LINGO2: variants seen among roughly 807,000 people sequenced by gnomAD.
LINGO2 encodes leucine rich repeat and Ig domain containing 2.
Under a neutral mutation model 30.6 loss-of-function variants are expected in LINGO2, and 14 were observed. The observed-to-expected ratio is 0.46, with a 90% CI of 0.30 to 0.72. The LOEUF is 0.72. Among genes scored for constraint, LINGO2 ranks in the 30% least tolerant of loss-of-function variants. The probability of loss-of-function intolerance (pLI) is 0.07; values close to 1 mark genes in which losing one functional copy is unlikely to be tolerated. For missense variants in LINGO2, 729 were observed against 751.7 expected, an observed-to-expected ratio of 0.97 and a Z score of 0.35; for synonymous variants, 317 against 288.5, an observed-to-expected ratio of 1.10 and a Z score of -1.00.
the LINGO2 span, among the ~76,000 whole-genome samples, chr9:29,076,230 T>C: frequency 4.2e-3 from 640 of 152,128 alleles, 2 homozygotes; most frequent in African/African-American, 0.015. Context: ...ACTAAGTATA[T>C]CTAAGTATAT....
chr9:28,173,531 A>G (rs1477443489), intron 4 of LINGO2, among the ~76,000 whole-genome samples: 2 of 152,176 alleles, frequency 1.3e-5, no homozygotes, highest in Non-Finnish European at 2.9e-5. Context: ...TGAGCAACTC[A>G]TCTACCACCA....
the LINGO2 span, among the ~76,000 whole-genome samples, chr9:28,716,605 C>T: frequency 1.3e-5 from 2 of 152,040 alleles, no homozygotes; most frequent in Non-Finnish European, 2.9e-5. Context: ...TTCTGTACAC[C>T]TTGATTTAGT....
At chr9:28,830,107 C>A in the LINGO2 span, among the ~76,000 whole-genome samples, 3 of 152,152 alleles carry the variant, frequency 2.0e-5, no homozygotes, top group African/African-American at 7.2e-5. Flanking sequence ...CAGAGTGCTA[C>A]AAACCCACAG....
At chr9:29,008,609 G>C in the LINGO2 span, among the ~76,000 whole-genome samples, 14 of 152,080 alleles carry the variant, frequency 9.2e-5, no homozygotes, top group Admixed American at 3.9e-4. Context: ...ACTTTTTAAT[G>C]ATCATCATTC....
In LINGO2 at chr9:28,615,996, A is replaced by G. The variant is rs144546019; in HGVS notation, c.-365+54204T>C. On this transcript the variant is annotated intron_variant, in intron 1 of 5. Coordinates refer to ENST00000379992, the Ensembl canonical transcript of LINGO2. Reference sequence around the variant, plus strand: ...GTTGTCAGGAGTCAAAATAGTAATTATATTTAGGGAGGAAAGATTATTGAT... The same window carrying G: ...GTTGTCAGGAGTCAAAATAGTAATTGTATTTAGGGAGGAAAGATTATTGAT... 2.2e-3 allele frequency among the ~76,000 whole-genome samples: 328 copies of G among 152,236 alleles called. 1 individual carries two copies. The highest frequency in any genetic ancestry group is 7.5e-3 in the African/African-American group (312 of 41,550).
the LINGO2 span, among the ~76,000 whole-genome samples, chr9:29,012,705 A>C: frequency 0.87 from 132,790 of 152,050 alleles, 58,619 homozygotes; most frequent in Non-Finnish European, 0.93. Flanking sequence ...TCTTCATGAA[A>C]TTTTTTGGGG....
At chr9:28,611,918 T>A (rs1028555587) in intron 1 of LINGO2, among the ~76,000 whole-genome samples, 1 of 151,992 alleles carries the variant, frequency 6.6e-6, no homozygotes, top group Non-Finnish European at 1.5e-5. Flanking sequence ...CCTCCCGGGT[T>A]CACACCATTC....
At chr9:28,163,967 C>T (rs1587118474) in intron 4 of LINGO2, among the ~76,000 whole-genome samples, 1 of 152,268 alleles carries the variant, frequency 6.6e-6, no homozygotes, top group Middle Eastern at 3.4e-3. Context: ...GTAAATAAGT[C>T]ACAGCTTGTA....
At chr9:28,561,617 T>C (rs1426512995) in intron 1 of LINGO2, among the ~76,000 whole-genome samples, 1 of 110,084 alleles carries the variant, frequency 9.1e-6, no homozygotes, top group African/African-American at 3.4e-5. Context: ...TATATATGTA[T>C]AATATATATA....
At chr9:28,220,990 T>C (rs191053520) in intron 4 of LINGO2, among the ~76,000 whole-genome samples, 2 of 152,274 alleles carry the variant, frequency 1.3e-5, no homozygotes, top group South Asian at 2.1e-4. Flanking sequence ...AATGACAATA[T>C]ATTGCATTCT....
At chr9:28,538,649 C>A (rs908025797) in intron 1 of LINGO2, among the ~76,000 whole-genome samples, 1 of 152,124 alleles carries the variant, frequency 6.6e-6, no homozygotes, top group Non-Finnish European at 1.5e-5. Flanking sequence ...AAGGTTCTGG[C>A]ATGTGCTGAG....
intron 2 of LINGO2, among the ~76,000 whole-genome samples, chr9:28,444,474 T>C (rs1331918): frequency 0.29 from 43,619 of 152,076 alleles, 7,247 homozygotes; most frequent in Middle Eastern, 0.39. Context: ...GGCTGAAACA[T>C]GCCCCCATCA....
chr9:28,342,202 T>C lies in LINGO2; in HGVS notation c.-246+30634A>G, dbSNP rs554064851. 1.5e-4 allele frequency among the ~76,000 whole-genome samples: 23 copies of C among 152,256 alleles called. No individual in the cohort carries two copies. In the South Asian group the frequency reaches 2.9e-3, roughly 19 times the overall value. On this transcript the variant is annotated intron_variant, in intron 3 of 5. Coordinates refer to ENST00000379992, the Ensembl canonical transcript of LINGO2. ...AACCTCTCGCTGTCTATATAGCTAG[T>C]ATGTGCTCTCTTTTGCCTGCTGTGT...
chr9:28,071,803 G>A (rs1377053), intron 4 of LINGO2, among the ~76,000 whole-genome samples: 134,842 of 152,012 alleles, frequency 0.89, 60,289 homozygotes, highest in South Asian at 0.96. Flanking sequence ...AATAAATATA[G>A]ATGTAGATAT....
At chr9:28,398,745 T>C (rs1409080710) in intron 2 of LINGO2, among the ~76,000 whole-genome samples, 3 of 152,246 alleles carry the variant, frequency 2.0e-5, no homozygotes, top group South Asian at 2.1e-4. Context: ...CTATAACTTA[T>C]ATAATTTTTT....
At position 28,039,817 on chromosome 9, in the gene LINGO2, C is replaced by T. The variant is rs1184651734; in HGVS notation, c.-86-27412G>A. Among the ~76,000 whole-genome samples the T allele has an allele frequency of 3.3e-5, 5 of 152,128 alleles. No homozygotes were observed. In the East Asian group the frequency reaches 5.8e-4, roughly 18 times the overall value. On this transcript the variant is annotated intron_variant, in intron 4 of 5. Transcript: ENST00000379992. ...GACACAAATGCCAGTGCCTCCCTTA[C>T]GTGGTGTTAGGCTTATGAGAATTTC...
intron 2 of LINGO2, among the ~76,000 whole-genome samples, chr9:28,387,532 A>G (rs1353658369): frequency 2.6e-5 from 4 of 152,184 alleles, no homozygotes; most frequent in African/African-American, 9.6e-5. Context: ...GCTGTTTGCA[A>G]TAAATCTTGG....
At chr9:28,293,350 G>T (rs1457014273) in intron 4 of LINGO2, among the ~76,000 whole-genome samples, 1 of 151,998 alleles carries the variant, frequency 6.6e-6, no homozygotes, top group African/African-American at 2.4e-5. Flanking sequence ...CTCTCACCTT[G>T]ACCTCCCAAA....
At chr9:28,885,420 T>TAC in the LINGO2 span, among the ~76,000 whole-genome samples, 5 of 144,388 alleles carry the variant, frequency 3.5e-5, no homozygotes, top group East Asian at 1.0e-3. Flanking sequence ...TAGATATATA[T>TAC]ACACACACAT....
Sources: gnomAD v4.1 joint callset for allele counts (sites outside exome capture counted in the v4.1 genomes callset) on GRCh38, gnomAD v4.1.1 for gene constraint, MANE v1.5 for transcripts, NCBI Gene and HGNC (gene_info 2026-07-23, HGNC 2026-07-21) for gene names.